Variants in EXT1 observed in about 807,000 individuals in gnomAD.
EXT1 encodes exostosin-1.
Under a neutral mutation model 82.5 loss-of-function variants are expected in EXT1, and 20 were observed. The ratio of observed to expected loss-of-function variants is 0.24; its 90% CI spans 0.17 to 0.35. The LOEUF (loss-of-function observed/expected upper bound fraction) is 0.35. Ranked by LOEUF, EXT1 falls within the 10% of genes least tolerant of loss-of-function variation. The pLI is 1.00. For missense variants in EXT1, 757 were observed against 936.5 expected (o/e 0.81, Z 2.50); for synonymous variants, 348 against 350.8 (o/e 0.99, Z 0.09).
intron 1 of EXT1, among the ~76,000 whole-genome samples, chr8:117,909,440 G>C (rs1207448016): frequency 6.6e-6 from 1 of 152,190 alleles, no homozygotes; most frequent in Non-Finnish European, 1.5e-5. Flanking sequence ...ATGTGATCCT[G>C]TTTGTGGACC....
rs141477114 is a variant in EXT1 at position 117,940,789 on chromosome 8, G to A, written c.963-103588C>T. On this transcript the variant is annotated intron_variant, in intron 1 of 10. Coordinates refer to ENST00000378204, the MANE Select transcript of EXT1 (RefSeq NM_000127.3). ...AAGGATCAGTAGGAGTTTGACCTGTGGGTACAATGGAAGCTGCTGGCATCC... is the reference window on the plus strand; with the variant it reads ...AAGGATCAGTAGGAGTTTGACCTGTAGGTACAATGGAAGCTGCTGGCATCC... 7.4e-4 allele frequency among the ~76,000 whole-genome samples: 112 copies of A among 152,272 alleles called. No individual in the cohort carries two copies. In the Middle Eastern group the frequency reaches 0.014, roughly 18 times the overall value.
intron 3 of EXT1, among the ~76,000 whole-genome samples, chr8:117,832,243 A>G (rs530368036): frequency 2.6e-5 from 4 of 152,276 alleles, no homozygotes; most frequent in Admixed American, 2.6e-4. Context: ...AAAAATGCCT[A>G]AGGCCGGGCG....
At chr8:117,932,294 C>G (rs1241155345) in intron 1 of EXT1, among the ~76,000 whole-genome samples, 1 of 152,074 alleles carries the variant, frequency 6.6e-6, no homozygotes, top group Non-Finnish European at 1.5e-5. Context: ...TTCAACTTAA[C>G]CAAATGCTGG....
chr8:118,041,554 C>T (rs990648517), intron 1 of EXT1, among the ~76,000 whole-genome samples: 5 of 152,070 alleles, frequency 3.3e-5, no homozygotes, highest in African/African-American at 1.2e-4. Context: ...CTGGCCCATG[C>T]ATCGTGTTCC....
intron 1 of EXT1, among the ~76,000 whole-genome samples, chr8:117,964,623 GTGTTTGTTTGTT>G (rs879779532): frequency 1.2e-4 from 18 of 149,836 alleles, no homozygotes; most frequent in East Asian, 5.8e-4. Context: ...GTGTGTGTGT[GTGTTTGTTTGTT>G]TGTTTGTTTG....
chr8:117,960,200 G>A (rs931676876), intron 1 of EXT1, among the ~76,000 whole-genome samples: 3 of 152,104 alleles, frequency 2.0e-5, no homozygotes, highest in Non-Finnish European at 4.4e-5. Context: ...GACAGAGCGA[G>A]ACTCCATCTC....
intron 6 of EXT1, 91 bp downstream of exon 6, chr8:117,819,585 T>TGGGGAGCCC: frequency 2.1e-6 from 2 of 944,206 alleles, no homozygotes; most frequent in South Asian, 2.6e-5. Context: ...CCGGGGAGCC[T>TGGGGAGCCC]GGGGAGCCCG....
At chr8:118,013,558 A>G (rs1216209199) in intron 1 of EXT1, among the ~76,000 whole-genome samples, 1 of 152,198 alleles carries the variant, frequency 6.6e-6, no homozygotes, top group Non-Finnish European at 1.5e-5. Flanking sequence ...CCAAGAGGAC[A>G]GCAGAGACCC....
chr8:117,800,487 C>T (rs368997743), intron 10 of EXT1, among the ~76,000 whole-genome samples: 188 of 152,284 alleles, frequency 1.2e-3, no homozygotes, highest in African/African-American at 4.2e-3. Flanking sequence ...GCTAGTGTTA[C>T]GCAGCATCTA....
chr8:117,825,709 C>G (rs1336115426), intron 4 of EXT1, among the ~76,000 whole-genome samples: 5 of 152,186 alleles, frequency 3.3e-5, no homozygotes, highest in Non-Finnish European at 7.3e-5. Context: ...ATACACGATG[C>G]CACCATATGC....
At chr8:117,853,830 T>A (rs1465503675) in intron 1 of EXT1, among the ~76,000 whole-genome samples, 1 of 152,232 alleles carries the variant, frequency 6.6e-6, no homozygotes, top group African/African-American at 2.4e-5. Flanking sequence ...CTAAATGCTA[T>A]GAGCAGTTTG....
intron 1 of EXT1, among the ~76,000 whole-genome samples, chr8:118,099,503 C>G (rs1586273417): frequency 6.6e-6 from 1 of 152,144 alleles, no homozygotes; most frequent in Admixed American, 6.6e-5. Context: ...ATCAATCATA[C>G]TATTGTTTGT....
intron 1 of EXT1, among the ~76,000 whole-genome samples, chr8:117,856,316 G>T (rs1307187335): frequency 2.7e-5 from 4 of 149,770 alleles, no homozygotes; most frequent in Non-Finnish European, 5.9e-5. Context: ...GTGCAGTGGC[G>T]TGATCTCTGC....
At chr8:117,903,188 A>C (rs1303550390) in intron 1 of EXT1, among the ~76,000 whole-genome samples, 1 of 152,238 alleles carries the variant, frequency 6.6e-6, no homozygotes, top group Non-Finnish European at 1.5e-5. Flanking sequence ...GGAGCATTTT[A>C]TTATATCCAG....
chr8:117,812,639 T>A (rs1238776312), intron 8 of EXT1, among the ~76,000 whole-genome samples: 1 of 152,086 alleles, frequency 6.6e-6, no homozygotes, highest in Admixed American at 6.6e-5. Context: ...GGCCCAGTTA[T>A]GCAAATGAGG....
chr8:117,990,692 CA>C (rs1217651975), intron 1 of EXT1, among the ~76,000 whole-genome samples: 1 of 152,226 alleles, frequency 6.6e-6, no homozygotes, highest in Admixed American at 6.5e-5. Flanking sequence ...CATGCTTCCT[CA>C]TCTTGCTTGC....
chr8:118,092,278 A>T (rs796396732), intron 1 of EXT1, among the ~76,000 whole-genome samples: 4 of 152,336 alleles, frequency 2.6e-5, no homozygotes, highest in African/African-American at 9.6e-5. Context: ...TCCAGAATAT[A>T]CCATATCTTA....
intron 1 of EXT1, among the ~76,000 whole-genome samples, chr8:117,845,015 C>A (rs996539934): frequency 6.6e-6 from 1 of 152,202 alleles, no homozygotes; most frequent in African/African-American, 2.4e-5. Context: ...AAGCTGTCCA[C>A]CGCAGAGAGC....
chr8:117,983,052 A>C (rs1479121296), intron 1 of EXT1, among the ~76,000 whole-genome samples: 1 of 152,174 alleles, frequency 6.6e-6, no homozygotes, highest in Admixed American at 6.5e-5. Context: ...GTTTCATTTC[A>C]TGGTTTCTCT....
Sources: gnomAD v4.1 joint callset for allele counts (sites outside exome capture counted in the v4.1 genomes callset) on GRCh38, gnomAD v4.1.1 for gene constraint, MANE v1.5 for transcripts, NCBI Gene and HGNC (gene_info 2026-07-23, HGNC 2026-07-21) for gene names.